Variants in RPS6KB1 observed in about 807,000 individuals in gnomAD.
The protein encoded by RPS6KB1 is ribosomal protein S6 kinase beta-1.
In RPS6KB1, 12 loss-of-function variants were observed where a neutral mutation model predicts 70.2. That is an observed-to-expected ratio of 0.17 (90% confidence interval 0.11 to 0.28). The LOEUF is 0.28. Among genes scored for constraint, RPS6KB1 ranks in the 10% least tolerant of loss-of-function variants. RPS6KB1 has a pLI of 1.00. For synonymous variants in RPS6KB1, 175 were observed against 211.2 expected (o/e 0.83, Z 1.49); for missense variants, 270 against 646.6 (o/e 0.42, Z 6.32).
chr17:59,934,593 C>T lies in RPS6KB1; in HGVS notation c.870+69C>T. The stretch of plus-strand genomic sequence containing the variant: ...GAGTCACTATAGCAAGAGACCTGTC[C>T]TGTGCTTTCTGAACATGTTACCAGT... On this transcript the variant is annotated intron_variant, in intron 9 of 14. Transcript: ENST00000225577. The surrounding 1 kb of genome is among the most constrained non-coding windows in gnomAD (Gnocchi z 4.8). 8.6e-7 allele frequency: 1 copy of T among 1,161,574 alleles called. No homozygotes were observed. Among genetic ancestry groups the T allele is most frequent in the Admixed American group, 2.0e-5 (1 of 49,712 alleles). 72.0% of individuals were successfully genotyped at this position (1,161,574 alleles called of 1,614,324 possible).
In RPS6KB1 at chr17:59,914,619, C is replaced by T. The variant is rs778590649; in HGVS notation, c.313-16C>T. The T allele has an allele frequency of 6.2e-7, 1 of 1,605,200 alleles. No homozygotes were observed. The highest frequency in any genetic ancestry group is 2.2e-5 in the East Asian group (1 of 44,788). Reference sequence around the variant, plus strand: ...ATAGTTTGCCTTTGAATAACACACACTTTTTTTTAATCCAGGTTTTTCAAG... The same window carrying T: ...ATAGTTTGCCTTTGAATAACACACATTTTTTTTTAATCCAGGTTTTTCAAG... On this transcript the variant is annotated splice_polypyrimidine_tract_variant and intron_variant, in intron 3 of 14. Coordinates refer to ENST00000225577, the MANE Select transcript of RPS6KB1 (RefSeq NM_003161.4).
At chr17:59,914,401 A>G (rs1273458214) in intron 3 of RPS6KB1, among the ~76,000 whole-genome samples, 3 of 152,208 alleles carry the variant, frequency 2.0e-5, no homozygotes, top group Middle Eastern at 3.2e-3. Context: ...ATATATTAAT[A>G]TAAAGTAACA....
intron 4 of RPS6KB1, among the ~76,000 whole-genome samples, chr17:59,919,491 T>G (rs2144857835): frequency 6.6e-6 from 1 of 151,852 alleles, no homozygotes; most frequent in East Asian, 1.9e-4. Flanking sequence ...CTGTAGATCT[T>G]TTTTTTTCTG....
At chr17:59,937,082 G>A (rs1233644110) in intron 12 of RPS6KB1, among the ~76,000 whole-genome samples, 2 of 152,102 alleles carry the variant, frequency 1.3e-5, no homozygotes, top group African/African-American at 4.8e-5. Context: ...GACTGGTCTT[G>A]AACTCCTGGG....
At chr17:59,932,948 C>T (rs947667973) in intron 7 of RPS6KB1, among the ~76,000 whole-genome samples, 4 of 152,216 alleles carry the variant, frequency 2.6e-5, no homozygotes, top group Non-Finnish European at 5.9e-5. Flanking sequence ...GCACAGTGAG[C>T]CTTGACTACA....
In RPS6KB1 at chr17:59,946,413, C is replaced by T. The variant is rs2044928357; in HGVS notation, c.1341-138C>T. On this transcript the variant is annotated intron_variant, in intron 14 of 14. Transcript: ENST00000225577. This position sits in a 1 kb window ranked among gnomAD's most constrained non-coding sequence, Gnocchi z 4.2. ...GGGGGAGAGATGGTTCAATTTTTGC[C>T]TTTGTGCTAATCCACGTGAAAATAA... 1 of 729,232 alleles carries T rather than the reference C, an allele frequency of 1.4e-6. No homozygotes were observed. The highest frequency in any genetic ancestry group is 1.8e-5 in the South Asian group (1 of 54,840). The allele number at this position is 729,232 out of a possible 1,614,324, so 45.2% of individuals were successfully genotyped here.
At position 59,923,667 on chromosome 17, in the gene RPS6KB1, G is replaced by A. The variant is rs151072504; in HGVS notation, c.382-2768G>A. 7.2e-3 allele frequency among the ~76,000 whole-genome samples: 1,089 copies of A among 151,644 alleles called. 16 individuals carry two copies. The highest frequency in any genetic ancestry group is 0.026 in the African/African-American group (1,056 of 41,348). ...TGGGATTACAGGTGCCTGCCACCAC[G>A]CCCGGCTAATTTTTGTATTTTTAGT... On this transcript the variant is annotated intron_variant, in intron 4 of 14. Transcript: ENST00000225577.
intron 5 of RPS6KB1, among the ~76,000 whole-genome samples, chr17:59,926,860 G>A (rs1011290284): frequency 5.3e-5 from 8 of 152,084 alleles, no homozygotes; most frequent in African/African-American, 1.9e-4. Flanking sequence ...GTGATGCAGA[G>A]CCATCAAATT....
chr17:59,914,403 AAAGT>A (rs1337377695), intron 3 of RPS6KB1, among the ~76,000 whole-genome samples: 3 of 152,208 alleles, frequency 2.0e-5, no homozygotes, highest in African/African-American at 7.2e-5. Context: ...ATATTAATAT[AAAGT>A]AACAGTGTTT....
At chr17:59,906,313 C>G (rs2042261570) in intron 1 of RPS6KB1, among the ~76,000 whole-genome samples, 1 of 152,058 alleles carries the variant, frequency 6.6e-6, no homozygotes, top group African/African-American at 2.4e-5. Context: ...CACCTTTGTT[C>G]TTTTTCAAGA....
At chr17:59,940,805 T>C in intron 12 of RPS6KB1, 31 bp from the exon 13 acceptor site, 1 of 1,341,564 alleles carries the variant, frequency 7.5e-7, no homozygotes, top group East Asian at 2.3e-5. Flanking sequence ...GGACTATTTA[T>C]TATTTTCTAA....
rs141432865 is a variant in RPS6KB1 at position 59,911,214 on chromosome 17, A to G, written c.191+603A>G. On this transcript the variant is annotated intron_variant, in intron 2 of 14. Transcript: ENST00000225577. ...CATGTAATCTTAAGTCATTTTAGAC[A>G]AGCTCCATTAGGTGAGTATGGTGAT... is the stretch of plus-strand genomic sequence containing the variant. Among the ~76,000 whole-genome samples the G allele has an allele frequency of 1.1e-4, 17 of 152,374 alleles. No individual in the cohort carries two copies. In the East Asian group the frequency reaches 3.1e-3, roughly 28 times the overall value.
At chr17:59,911,888 G>A (rs968725469) in intron 2 of RPS6KB1, among the ~76,000 whole-genome samples, 6 of 151,980 alleles carry the variant, frequency 3.9e-5, no homozygotes, top group African/African-American at 1.2e-4. Context: ...GAGCCACCAC[G>A]CCCATTGGAT....
chr17:59,899,941 G>C (rs2041808361), intron 1 of RPS6KB1, among the ~76,000 whole-genome samples: 1 of 151,890 alleles, frequency 6.6e-6, no homozygotes. Context: ...AAGGTGGAAG[G>C]ATCATTTGAG....
intron 5 of RPS6KB1, among the ~76,000 whole-genome samples, chr17:59,927,958 G>A (rs1328625343): frequency 2.0e-5 from 3 of 151,658 alleles, no homozygotes; most frequent in Non-Finnish European, 4.4e-5. Context: ...AGGAGTTTGA[G>A]ACCAGTCTGG....
In RPS6KB1 at chr17:59,946,578, C is replaced by T. The variant is rs1332041984; in HGVS notation, c.1368C>T (p.Phe456=). ...CAGTCAAATTTTCTCCTGGGGATTT[C>T]TGGGGAAGAGGTGCTTCGGCCAGCA... The part of the protein sequence containing the change: ...VSPVKFSPGD[F]WGRGASASTA... The change falls in exon 15 of 15, where the codon TTC becomes TTT. Residue 456 remains phenylalanine, a synonymous_variant. Transcript: ENST00000225577. The surrounding 1 kb of genome is among the most constrained non-coding windows in gnomAD (Gnocchi z 4.2). 6.2e-7 allele frequency: 1 copy of T among 1,614,012 alleles called. No homozygotes were observed. Among genetic ancestry groups the T allele is most frequent in the African/African-American group, 1.3e-5 (1 of 74,912 alleles).
intron 4 of RPS6KB1, among the ~76,000 whole-genome samples, chr17:59,922,040 A>AT (rs36071603): frequency 0.15 from 19,461 of 130,118 alleles, 2,073 homozygotes; most frequent in African/African-American, 0.28. Context: ...GAATAAGGGC[A>AT]TTTTTTTTTT....
chr17:59,913,188 T>C (rs868610132), intron 3 of RPS6KB1, among the ~76,000 whole-genome samples: 1 of 152,134 alleles, frequency 6.6e-6, no homozygotes, highest in South Asian at 2.1e-4. Context: ...GACCTTAATC[T>C]CAACTGGTTT....
Position 59,907,227 on chromosome 17 carries a change from T to C in RPS6KB1, c.142-3335T>C, listed in dbSNP as rs1293871236. 5 of 151,720 alleles carry C rather than the reference T, an allele frequency of 3.3e-5. No homozygotes were observed. In the East Asian group the frequency reaches 7.8e-4, roughly 24 times the overall value. 9.4% of individuals were successfully genotyped at this position (151,720 alleles called of 1,614,324 possible). ...ACCATGTTAGCCAGGATGGTCTTGA[T>C]CTCCTGACCTCGTGATCTGCCTGCC... is the stretch of plus-strand genomic sequence containing the variant. On this transcript the variant is annotated intron_variant, in intron 1 of 14. Coordinates refer to ENST00000225577, the MANE Select transcript of RPS6KB1 (RefSeq NM_003161.4).
Sources: allele counts gnomAD v4.1 joint callset (sites outside exome capture counted in the v4.1 genomes callset), GRCh38; gene constraint gnomAD v4.1.1; non-coding constraint Gnocchi (gnomAD v3.1); transcripts MANE v1.5; gene names NCBI Gene and HGNC (gene_info 2026-07-23, HGNC 2026-07-21).